Variants in CTIF observed in about 807,000 individuals in gnomAD.
The protein encoded by CTIF is cap binding complex dependent translation initiation factor.
In CTIF, 21 loss-of-function variants were observed where a neutral mutation model predicts 66.0. The ratio of observed to expected loss-of-function variants is 0.32; its 90% CI spans 0.23 to 0.46. CTIF has a LOEUF of 0.46. Among genes scored for constraint, CTIF ranks in the 20% least tolerant of loss-of-function variants. CTIF has a pLI of 1.00. For missense variants in CTIF, 739 were observed against 812.7 expected (o/e 0.91, Z 1.10); for synonymous variants, 345 against 326.4 (o/e 1.06, Z -0.62).
At chr18:48,675,612 G>A (rs1349644221) in intron 6 of CTIF, among the ~76,000 whole-genome samples, 2 of 152,210 alleles carry the variant, frequency 1.3e-5, no homozygotes, top group South Asian at 2.1e-4. Context: ...GGAGGATGGC[G>A]AGGTGCAAGA....
chr18:48,685,095 C>CT (rs1480167188), intron 6 of CTIF, among the ~76,000 whole-genome samples: 1 of 143,854 alleles, frequency 7.0e-6, no homozygotes, highest in East Asian at 2.0e-4. Flanking sequence ...TGTCATATCT[C>CT]TTTATCTCCT....
At chr18:48,819,097 G>A (rs995733089) in intron 10 of CTIF, among the ~76,000 whole-genome samples, 1 of 152,158 alleles carries the variant, frequency 6.6e-6, no homozygotes, top group African/African-American at 2.4e-5. Context: ...TCTCTCTCGG[G>A]TGTTTTGTAA....
chr18:48,743,782 ATT>A (rs372611886), intron 7 of CTIF, among the ~76,000 whole-genome samples: 2 of 150,950 alleles, frequency 1.3e-5, no homozygotes, highest in Admixed American at 6.6e-5. Context: ...AAAAATAACA[ATT>A]TTTTTTTTAA....
intron 7 of CTIF, among the ~76,000 whole-genome samples, chr18:48,717,402 A>AAATAAAT (rs2092291941): frequency 4.8e-5 from 7 of 144,872 alleles, no homozygotes; most frequent in Non-Finnish European, 9.0e-5. Flanking sequence ...CTGTCTTTAA[A>AAATAAAT]AAATAAATAA....
intron 6 of CTIF, among the ~76,000 whole-genome samples, chr18:48,707,844 A>G (rs1598904792): frequency 6.6e-6 from 1 of 152,196 alleles, no homozygotes; most frequent in African/African-American, 2.4e-5. Flanking sequence ...CACAGAAGGA[A>G]CGCAGCATCC....
intron 10 of CTIF, among the ~76,000 whole-genome samples, chr18:48,823,635 T>G (rs1050663087): frequency 5.3e-5 from 8 of 152,230 alleles, no homozygotes; most frequent in African/African-American, 1.9e-4. Flanking sequence ...CAAGATTGCT[T>G]TGGCTATTTG....
intron 1 of CTIF, among the ~76,000 whole-genome samples, chr18:48,552,528 C>T (rs1004628455): frequency 1.4e-4 from 21 of 152,250 alleles, no homozygotes; most frequent in African/African-American, 4.8e-4. Flanking sequence ...TAGATTGCAC[C>T]GTCTCACTGC....
rs370141936 is a variant in CTIF at position 48,681,130 on chromosome 18, C to T, written c.507+10386C>T. Among the ~76,000 whole-genome samples, 29 of 152,370 alleles carry T rather than the reference C, an allele frequency of 1.9e-4. 3 individuals are homozygous for T. The South Asian group carries it at 5.6e-3, about 29-fold the overall frequency. ...GGCAGGAGGAAGCTTTCCTCTGGCC[C>T]AAGAACAATACCAGGGTCAGCCCAG... On this transcript the variant is annotated intron_variant, in intron 6 of 11. Transcript: ENST00000256413.
chr18:48,614,868 G>A (rs1240673495), intron 1 of CTIF, among the ~76,000 whole-genome samples: 2 of 152,034 alleles, frequency 1.3e-5, no homozygotes, highest in Non-Finnish European at 2.9e-5. Flanking sequence ...GGTTTGGTTG[G>A]TTGGTTGTTT....
intron 1 of CTIF, among the ~76,000 whole-genome samples, chr18:48,604,335 C>A (rs989211092): frequency 6.6e-6 from 1 of 151,576 alleles, no homozygotes; most frequent in Non-Finnish European, 1.5e-5. Flanking sequence ...TGCCACCATG[C>A]CTGCCTAATT....
intron 7 of CTIF, 107 bp downstream of exon 7, chr18:48,711,802 C>G (rs1264201758): frequency 1.1e-6 from 1 of 928,218 alleles, no homozygotes; most frequent in Non-Finnish European, 1.7e-6. Context: ...ACCAGCTGAT[C>G]CTGATGAGAT....
chr18:48,597,248 C>A (rs536810284), intron 1 of CTIF, among the ~76,000 whole-genome samples: 2 of 152,330 alleles, frequency 1.3e-5, no homozygotes, highest in African/African-American at 4.8e-5. Context: ...TTAAGGGAAC[C>A]ACAGCCTCCA....
chr18:48,635,285 C>A (rs1242203197), intron 2 of CTIF, among the ~76,000 whole-genome samples: 3 of 151,298 alleles, frequency 2.0e-5, no homozygotes, highest in Non-Finnish European at 4.4e-5. Context: ...CTGGGCTTCC[C>A]TCTGCTTTTT....
rs115739783 is a variant in CTIF, at chr18:48,717,728, C to T, written c.584+6033C>T. ...ATGTGGCAAGCCTCTTGAAACACCC[C>T]TTCAAAATTTTTTTTAGCAACAGGG... On this transcript the variant is annotated intron_variant, in intron 7 of 11. Transcript: ENST00000256413. Among the ~76,000 whole-genome samples, 1,341 of 152,182 alleles carry T rather than the reference C, an allele frequency of 8.8e-3. 19 individuals carry two copies. Among genetic ancestry groups the T allele is most frequent in the African/African-American group, 0.031 (1,268 of 41,512 alleles).
intron 10 of CTIF, among the ~76,000 whole-genome samples, chr18:48,827,604 A>C (rs900278370): frequency 2.6e-5 from 4 of 152,218 alleles, no homozygotes; most frequent in African/African-American, 9.6e-5. Context: ...ACCTTTCTGC[A>C]TGAACAGTTT....
chr18:48,808,759 T>G (rs1260613034), intron 9 of CTIF, among the ~76,000 whole-genome samples: 1 of 152,244 alleles, frequency 6.6e-6, no homozygotes, highest in East Asian at 1.9e-4. Flanking sequence ...CATTCGGATG[T>G]CAGCTCTACA....
chr18:48,715,791 T>C (rs946284715), intron 7 of CTIF, among the ~76,000 whole-genome samples: 5 of 152,206 alleles, frequency 3.3e-5, no homozygotes, highest in African/African-American at 9.7e-5. Flanking sequence ...GTGTTGATAC[T>C]GGTAGAAGAT....
chr18:48,549,599 C>T (rs2088835671), intron 1 of CTIF, among the ~76,000 whole-genome samples: 1 of 152,180 alleles, frequency 6.6e-6, no homozygotes, highest in Non-Finnish European at 1.5e-5. Flanking sequence ...TGCCACTGCT[C>T]CGGGCATCAT....
At chr18:48,684,810 A>T (rs541006755) in intron 6 of CTIF, among the ~76,000 whole-genome samples, 3 of 152,360 alleles carry the variant, frequency 2.0e-5, no homozygotes, top group African/African-American at 7.2e-5. Flanking sequence ...TTCCTTGAAG[A>T]GTAAGTTGCA....
Sources: gnomAD v4.1 joint callset for allele counts (sites outside exome capture counted in the v4.1 genomes callset) on GRCh38, gnomAD v4.1.1 for gene constraint, MANE v1.5 for transcripts, NCBI Gene and HGNC (gene_info 2026-07-23, HGNC 2026-07-21) for gene names.